KCTD16: variants seen among roughly 807,000 people sequenced by gnomAD.
KCTD16 encodes potassium channel tetramerization domain containing 16.
KCTD16 carries 13 observed loss-of-function variants against 33.2 expected under a neutral mutation model. That is an observed-to-expected ratio of 0.39 (90% CI 0.25 to 0.62). The LOEUF (loss-of-function observed/expected upper bound fraction) is 0.62, where lower values mean the gene tolerates loss of function less well. KCTD16 is among the 20% of genes least tolerant of loss of function. KCTD16 has a pLI of 0.50. For missense variants in KCTD16, 441 were observed against 525.1 expected (o/e 0.84, Z 1.57); for synonymous variants, 197 against 195.3 (o/e 1.01, Z -0.07).
chr5:144,239,320 G>T (rs1190563019), intron 3 of KCTD16, among the ~76,000 whole-genome samples: 1 of 152,082 alleles, frequency 6.6e-6, no homozygotes, highest in African/African-American at 2.4e-5. Context: ...GTTTGGGTAA[G>T]TTTCTGAGAG....
chr5:144,350,339 A>G (rs1751389196), intron 3 of KCTD16, among the ~76,000 whole-genome samples: 1 of 152,202 alleles, frequency 6.6e-6, no homozygotes. Context: ...TTCTTATAAG[A>G]AGAAAAATAA....
chr5:144,195,196 A>C (rs767853011), intron 2 of KCTD16, among the ~76,000 whole-genome samples: 1 of 152,148 alleles, frequency 6.6e-6, no homozygotes, highest in Non-Finnish European at 1.5e-5. Flanking sequence ...AGCATGGGGG[A>C]ATCTCTTCCT....
At chr5:144,208,279 A>C (rs759397203) in intron 3 of KCTD16, among the ~76,000 whole-genome samples, 4 of 152,256 alleles carry the variant, frequency 2.6e-5, no homozygotes, top group Admixed American at 6.5e-5. Context: ...AATTACTGAC[A>C]TAAAAGGAAG....
intron 3 of KCTD16, among the ~76,000 whole-genome samples, chr5:144,425,923 AT>A (rs1235803744): frequency 6.6e-6 from 1 of 152,100 alleles, no homozygotes; most frequent in Non-Finnish European, 1.5e-5. Context: ...GATTCTTTCT[AT>A]TCATACTAAT....
chr5:144,451,377 T>C (rs1489322640), intron 3 of KCTD16, among the ~76,000 whole-genome samples: 1 of 152,146 alleles, frequency 6.6e-6, no homozygotes, highest in Non-Finnish European at 1.5e-5. Flanking sequence ...TGATTCTTTG[T>C]CTGTTTGGGT....
chr5:144,415,821 G>A (rs1753035761), intron 3 of KCTD16, among the ~76,000 whole-genome samples: 2 of 152,092 alleles, frequency 1.3e-5, no homozygotes, highest in Admixed American at 6.6e-5. Context: ...ACAATACCAA[G>A]GAATAGGACT....
At chr5:144,225,552 T>TTGTGTGTGTGTGTGTGTGTGTGTG (rs10550980) in intron 3 of KCTD16, among the ~76,000 whole-genome samples, 4 of 138,226 alleles carry the variant, frequency 2.9e-5, no homozygotes, top group African/African-American at 1.1e-4. Context: ...CAAAAATAAA[T>TTGTGTGTGTGTGTGTGTGTGTGTG]TGTGTGTGTG....
At chr5:144,290,488 GT>G (rs1420980260) in intron 3 of KCTD16, among the ~76,000 whole-genome samples, 1 of 152,112 alleles carries the variant, frequency 6.6e-6, no homozygotes, top group African/African-American at 2.4e-5. Context: ...TCTTAAGCAT[GT>G]TTATGATTGA....
At chr5:144,381,259 C>T (rs1436066216) in intron 3 of KCTD16, among the ~76,000 whole-genome samples, 1 of 152,080 alleles carries the variant, frequency 6.6e-6, no homozygotes, top group African/African-American at 2.4e-5. Context: ...CGTCTCACAC[C>T]ACTCAGAATG....
intron 3 of KCTD16, among the ~76,000 whole-genome samples, chr5:144,284,539 T>C (rs770065478): frequency 1.3e-5 from 2 of 152,208 alleles, no homozygotes; most frequent in Non-Finnish European, 2.9e-5. Context: ...TTTGTAGTCA[T>C]TGATTTTAGC....
chr5:144,445,796 A>G (rs946342620), intron 3 of KCTD16, among the ~76,000 whole-genome samples: 1 of 151,486 alleles, frequency 6.6e-6, no homozygotes, highest in South Asian at 2.1e-4. Flanking sequence ...TACTCATAGT[A>G]GATATTTTTT....
At chr5:144,237,501 T>C (rs1185597435) in intron 3 of KCTD16, among the ~76,000 whole-genome samples, 5 of 152,106 alleles carry the variant, frequency 3.3e-5, no homozygotes, top group Admixed American at 3.3e-4. Context: ...CACTTTTTCC[T>C]AGTCATTTCA....
chr5:144,233,316 AATTCTG>A lies in KCTD16; in HGVS notation c.832+25776_832+25781del, dbSNP rs529208786. Among the ~76,000 whole-genome samples the A allele has an allele frequency of 4.3e-4, 65 of 152,184 alleles. 2 individuals carry two copies. In the South Asian group the frequency reaches 0.013, roughly 31 times the overall value. The stretch of plus-strand genomic sequence containing the variant: ...TGTCATTTCCTTTAATACCAGGAGA[AATTCTG>A]ATTCTATCATTTTTAATTCATTGGC... On this transcript the variant is annotated intron_variant, in intron 3 of 3. Coordinates refer to ENST00000512467, the MANE Select transcript of KCTD16 (RefSeq NM_020768.4).
Position 144,366,875 on chromosome 5 carries a change from C to T in KCTD16, c.833-106785C>T, listed in dbSNP as rs147078759. On this transcript the variant is annotated intron_variant, in intron 3 of 3. Coordinates refer to ENST00000512467, the MANE Select transcript of KCTD16 (RefSeq NM_020768.4). ...CTCTCACTTGTAGGAAGTGGAATTG[C>T]TCACAAAATGTGCAGAGAGAGTGGA... Among the ~76,000 whole-genome samples the T allele has an allele frequency of 1.8e-4, 28 of 152,318 alleles. No homozygotes were observed. The East Asian group carries it at 4.4e-3, about 24-fold the overall frequency.
rs546423483 is a variant in KCTD16, at chr5:144,172,624, GAATGACC to G, written c.-493+1617_-493+1623del. 1.5e-4 allele frequency among the ~76,000 whole-genome samples: 23 copies of G among 152,272 alleles called. No homozygotes were observed. The South Asian group carries it at 4.8e-3, about 32-fold the overall frequency. ...GGTATCATCTGCACAACTTCAGGTA[GAATGACC>G]ACATATTATGATTTGCTGGAGACAA... On this transcript the variant is annotated intron_variant, in intron 1 of 3. Coordinates refer to ENST00000512467, the MANE Select transcript of KCTD16 (RefSeq NM_020768.4).
chr5:144,237,677 A>C (rs920493173), intron 3 of KCTD16, among the ~76,000 whole-genome samples: 1 of 152,132 alleles, frequency 6.6e-6, no homozygotes, highest in African/African-American at 2.4e-5. Flanking sequence ...CCAACCACCA[A>C]CAACAGTCCA....
At chr5:144,466,169 C>T (rs989164910) in intron 3 of KCTD16, among the ~76,000 whole-genome samples, 1 of 151,398 alleles carries the variant, frequency 6.6e-6, no homozygotes, top group African/African-American at 2.4e-5. Context: ...GGAGATATCA[C>T]ATACTGATTG....
chr5:144,440,493 T>C (rs2126976497), intron 3 of KCTD16, among the ~76,000 whole-genome samples: 1 of 152,284 alleles, frequency 6.6e-6, no homozygotes, highest in East Asian at 1.9e-4. Context: ...TACTTATTAT[T>C]ATATGACTTT....
At chr5:144,373,377 T>C (rs547704861) in intron 3 of KCTD16, among the ~76,000 whole-genome samples, 78 of 152,224 alleles carry the variant, frequency 5.1e-4, no homozygotes, top group Non-Finnish European at 9.4e-4. Context: ...ATTAACTCTC[T>C]GTGCAGAAAT....
Sources: gnomAD v4.1 joint callset for allele counts (sites outside exome capture counted in the v4.1 genomes callset) on GRCh38, gnomAD v4.1.1 for gene constraint, MANE v1.5 for transcripts, NCBI Gene and HGNC (gene_info 2026-07-23, HGNC 2026-07-21) for gene names.